The following ZNF609 variants were observed in gnomAD, a reference collection of about 807,000 sequenced individuals.
ZNF609 encodes the protein zinc finger protein 609.
Under a neutral mutation model 109.5 loss-of-function variants are expected in ZNF609, and 11 were observed. The ratio of observed to expected loss-of-function variants is 0.10; its 90% CI spans 0.06 to 0.17. The LOEUF (loss-of-function observed/expected upper bound fraction) is 0.17. Among genes scored for constraint, ZNF609 ranks in the 10% least tolerant of loss-of-function variants. The pLI is 1.00. For missense variants in ZNF609, 1,559 were observed against 1,772.4 expected, an observed-to-expected ratio of 0.88 and a Z score of 2.16; for synonymous variants, 646 against 662.0, an observed-to-expected ratio of 0.98 and a Z score of 0.37.
intron 3 of ZNF609, among the ~76,000 whole-genome samples, chr15:64,643,098 A>C (rs1896286939): frequency 6.6e-6 from 1 of 152,194 alleles, no homozygotes; most frequent in South Asian, 2.1e-4. Context: ...AACATACCAG[A>C]GATCAGCTGT....
intron 2 of ZNF609, among the ~76,000 whole-genome samples, chr15:64,525,005 A>G (rs1358313775): frequency 6.6e-6 from 1 of 152,196 alleles, no homozygotes; most frequent in Admixed American, 6.5e-5. Flanking sequence ...TTGTTTAATA[A>G]TAGCCATCCT....
chr15:64,656,502 T>G (rs981168472), intron 3 of ZNF609, among the ~76,000 whole-genome samples: 4 of 152,238 alleles, frequency 2.6e-5, no homozygotes, highest in African/African-American at 9.6e-5. Context: ...AGTTCTTCAC[T>G]TGTGGTTTGG....
intron 2 of ZNF609, chr15:64,501,189 T>C (rs1326963479): frequency 6.6e-6 from 1 of 152,166 alleles, no homozygotes; most frequent in Non-Finnish European, 1.5e-5. Context: ...TATAAATTGA[T>C]TTCTCTGTAA....
At chr15:64,536,940 A>G (rs911036004) in intron 2 of ZNF609, among the ~76,000 whole-genome samples, 5 of 96,838 alleles carry the variant, frequency 5.2e-5, no homozygotes, top group African/African-American at 1.8e-4. Flanking sequence ...AAAAAAAAAA[A>G]GGCCGGGCAC....
intron 2 of ZNF609, among the ~76,000 whole-genome samples, chr15:64,518,101 T>A (rs2140362446): frequency 6.6e-6 from 1 of 152,296 alleles, no homozygotes; most frequent in South Asian, 2.1e-4. Flanking sequence ...TATATTCTAA[T>A]GTGGGAGACA....
intron 2 of ZNF609, among the ~76,000 whole-genome samples, chr15:64,540,218 T>G (rs1894227263): frequency 6.6e-6 from 1 of 152,148 alleles, no homozygotes; most frequent in South Asian, 2.1e-4. Flanking sequence ...TAGGCAGGAG[T>G]TTGCTATTTG....
chr15:64,631,543 T>C, intron 3 of ZNF609: 5 of 583,436 alleles, frequency 8.6e-6, no homozygotes, highest in South Asian at 7.8e-5. Flanking sequence ...TTTTCTTTCT[T>C]TTTTTTTAGA....
At chr15:64,529,928 C>T (rs1245098376) in intron 2 of ZNF609, among the ~76,000 whole-genome samples, 2 of 151,608 alleles carry the variant, frequency 1.3e-5, no homozygotes, top group African/African-American at 2.4e-5. Context: ...CGGGGTTTTT[C>T]CATGTTGGTC....
At position 64,646,634 on chromosome 15, in the gene ZNF609, C is replaced by CAAAA. The variant is rs1180524819; in HGVS notation, c.973+23603_973+23606dup. 6.7e-3 allele frequency among the ~76,000 whole-genome samples: 206 copies of CAAAA among 30,690 alleles called. 8 individuals carry two copies. Among genetic ancestry groups the CAAAA allele is most frequent in the African/African-American group, 0.027 (187 of 7,056 alleles). The allele number at this position is 30,690 out of a possible 152,430, so 20.1% of individuals were successfully genotyped here. ...GCACAATGGAAACAAGACTCCATCT[C>CAAAA]AAAAAAAAAAAAAAAAAAAAAAAAC... is the stretch of plus-strand genomic sequence containing the variant. On this transcript the variant is annotated intron_variant, in intron 3 of 9. Coordinates refer to ENST00000326648, the MANE Select transcript of ZNF609 (RefSeq NM_015042.2).
intron 2 of ZNF609, among the ~76,000 whole-genome samples, chr15:64,557,719 C>T (rs979537975): frequency 2.0e-5 from 3 of 152,004 alleles, no homozygotes; most frequent in Admixed American, 6.6e-5. Flanking sequence ...TTTTTTGGGA[C>T]GGAGTCTCGC....
intron 2 of ZNF609, among the ~76,000 whole-genome samples, chr15:64,594,122 A>G (rs531735643): frequency 1.3e-5 from 2 of 152,338 alleles, no homozygotes; most frequent in South Asian, 2.1e-4. Flanking sequence ...GAATAGGTTG[A>G]TACTGAACCC....
At chr15:64,587,584 T>A (rs1226282601) in intron 2 of ZNF609, among the ~76,000 whole-genome samples, 2 of 152,182 alleles carry the variant, frequency 1.3e-5, no homozygotes, top group East Asian at 3.8e-4. Context: ...TTCAAAAGTG[T>A]TCATTGATTA....
At chr15:64,609,141 T>TTTCTTTTTCTTTC (rs1567028334) in intron 2 of ZNF609, among the ~76,000 whole-genome samples, 11 of 149,044 alleles carry the variant, frequency 7.4e-5, no homozygotes, top group African/African-American at 2.2e-4. Context: ...TTTTTCTTTC[T>TTTCTTTTTCTTTC]TTTTTTTCTC....
At chr15:64,466,136 A>AAT (rs1174078244) in intron 1 of ZNF609, among the ~76,000 whole-genome samples, 62 of 151,696 alleles carry the variant, frequency 4.1e-4, no homozygotes, top group Middle Eastern at 3.4e-3. Context: ...AAAAAAAAAA[A>AAT]AAAGTTAGCG....
At chr15:64,598,921 T>A (rs1419771776) in intron 2 of ZNF609, among the ~76,000 whole-genome samples, 1 of 150,642 alleles carries the variant, frequency 6.6e-6, no homozygotes, top group Non-Finnish European at 1.5e-5. Context: ...AAAGTCCCTA[T>A]TGTTTTTACA....
rs1566993797 is a variant in ZNF609, at chr15:64,478,157, TGTG to T, written c.-128+17320_-128+17322del. On this transcript the variant is annotated intron_variant, in intron 1 of 9. Transcript: ENST00000326648. ...TTCATATTTAATTTTAGAATAAAGG[TGTG>T]TGTGTGTGTGTGTGTGTGTGTGTGT... Among the ~76,000 whole-genome samples, 35 of 80,678 alleles carry T rather than the reference TGTG, an allele frequency of 4.3e-4. No homozygotes were observed. The African/African-American group carries it at 4.5e-3, about 10-fold the overall frequency. 52.9% of individuals were successfully genotyped at this position (80,678 alleles called of 152,430 possible).
intron 3 of ZNF609, among the ~76,000 whole-genome samples, chr15:64,650,464 A>G (rs1896400356): frequency 6.6e-6 from 1 of 151,984 alleles, no homozygotes; most frequent in Non-Finnish European, 1.5e-5. Context: ...GTAAATCATT[A>G]ATTTCTAAAT....
intron 1 of ZNF609, among the ~76,000 whole-genome samples, chr15:64,465,657 A>G (rs1012612471): frequency 1.3e-5 from 2 of 151,712 alleles, no homozygotes; most frequent in Non-Finnish European, 2.9e-5. Context: ...CTGGGATTAC[A>G]GGTGTGAGCC....
At chr15:64,669,012 A>G (rs1297683013) in intron 3 of ZNF609, among the ~76,000 whole-genome samples, 1 of 151,940 alleles carries the variant, frequency 6.6e-6, no homozygotes, top group Non-Finnish European at 1.5e-5. Context: ...CCTATATAAA[A>G]CATAATTTTT....
Sources: allele counts gnomAD v4.1 joint callset (sites outside exome capture counted in the v4.1 genomes callset), GRCh38; gene constraint gnomAD v4.1.1; transcripts MANE v1.5; gene names NCBI Gene and HGNC (gene_info 2026-07-23, HGNC 2026-07-21).